Variants in KHDRBS2 observed in about 807,000 individuals in gnomAD.
KHDRBS2 encodes the protein KH RNA binding domain containing, signal transduction associated 2.
KHDRBS2 carries 26 observed loss-of-function variants against 44.3 expected under a neutral mutation model. The observed-to-expected ratio is 0.59, with a 90% CI of 0.43 to 0.81. The LOEUF is 0.81. Among genes scored for constraint, KHDRBS2 ranks in the 40% least tolerant of loss-of-function variants. KHDRBS2 has a pLI of 0.00. For missense variants in KHDRBS2, 476 were observed against 433.1 expected, an observed-to-expected ratio of 1.10 and a Z score of -0.88; for synonymous variants, 194 against 151.1, an observed-to-expected ratio of 1.28 and a Z score of -2.08.
intron 2 of KHDRBS2, among the ~76,000 whole-genome samples, chr6:62,099,302 C>CTAAT (rs1008114525): frequency 1.4e-3 from 206 of 152,270 alleles, no homozygotes; most frequent in African/African-American, 4.8e-3. Context: ...TCTAAACAGG[C>CTAAT]TAATTACTAT....
intron 2 of KHDRBS2, among the ~76,000 whole-genome samples, chr6:62,096,043 C>A (rs944565018): frequency 6.6e-6 from 1 of 151,864 alleles, no homozygotes; most frequent in Non-Finnish European, 1.5e-5. Context: ...GTATATTGAA[C>A]CATACGTATC....
chr6:61,826,323 C>G (rs73476668), intron 6 of KHDRBS2, among the ~76,000 whole-genome samples: 24,219 of 151,960 alleles, frequency 0.16, 2,476 homozygotes, highest in East Asian at 0.29. Flanking sequence ...CAGGCACTGG[C>G]AAGAAATCAG....
At chr6:61,604,395 A>T in the KHDRBS2 span, among the ~76,000 whole-genome samples, 4 of 152,174 alleles carry the variant, frequency 2.6e-5, no homozygotes, top group East Asian at 7.7e-4. Context: ...TCTCCTTCTC[A>T]TCTGGTCACT....
At chr6:61,576,854 T>G in the KHDRBS2 span, among the ~76,000 whole-genome samples, 9 of 152,186 alleles carry the variant, frequency 5.9e-5, no homozygotes, top group Non-Finnish European at 8.8e-5. Flanking sequence ...TATTTTTATT[T>G]TCATGCAGTT....
chr6:62,285,554 G>A (rs1306285720), intron 1 of KHDRBS2, among the ~76,000 whole-genome samples: 3 of 152,164 alleles, frequency 2.0e-5, no homozygotes, highest in Non-Finnish European at 4.4e-5. Context: ...AAGTGAAAAT[G>A]TCCCTGTAGA....
At chr6:61,778,003 C>T (rs567154288) in intron 6 of KHDRBS2, among the ~76,000 whole-genome samples, 1 of 152,198 alleles carries the variant, frequency 6.6e-6, no homozygotes, top group South Asian at 2.1e-4. Context: ...TCCCTCCTCC[C>T]ACCCTCTACC....
At chr6:62,133,665 G>A (rs1810855727) in intron 2 of KHDRBS2, among the ~76,000 whole-genome samples, 1 of 152,174 alleles carries the variant, frequency 6.6e-6, no homozygotes, top group South Asian at 2.1e-4. Flanking sequence ...GGACAATGTG[G>A]GAAAGTTTGG....
In KHDRBS2 at chr6:61,957,994, C is replaced by G. The variant is rs7742024; in HGVS notation, c.483+20072G>C. On this transcript the variant is annotated intron_variant, in intron 4 of 8. Coordinates refer to ENST00000281156, the MANE Select transcript of KHDRBS2 (RefSeq NM_152688.4). ...ACACTTAGGGAAAATAGAAAAGAAC[C>G]TACATGAAATATCAGGGGTGAATTT... 1.8e-3 allele frequency among the ~76,000 whole-genome samples: 269 copies of G among 152,156 alleles called. 2 individuals carry two copies. The highest frequency in any genetic ancestry group is 6.1e-3 in the African/African-American group (255 of 41,534).
intron 2 of KHDRBS2, among the ~76,000 whole-genome samples, chr6:62,059,199 T>C (rs1412542888): frequency 2.5e-5 from 1 of 39,436 alleles, no homozygotes; most frequent in African/African-American, 1.3e-4. Flanking sequence ...AGTTAGGAAG[T>C]TTTTTTTTTT....
intron 6 of KHDRBS2, among the ~76,000 whole-genome samples, chr6:61,753,133 C>T (rs1041551585): frequency 6.6e-6 from 1 of 152,098 alleles, no homozygotes; most frequent in Admixed American, 6.6e-5. Context: ...ACAATAAACT[C>T]ATCATTCGTG....
intron 6 of KHDRBS2, among the ~76,000 whole-genome samples, chr6:61,743,455 C>A (rs964317008): frequency 6.6e-6 from 1 of 151,918 alleles, no homozygotes; most frequent in Non-Finnish European, 1.5e-5. Flanking sequence ...TCATTAATGG[C>A]AAAATACAAT....
chr6:61,586,871 T>G, the KHDRBS2 span, among the ~76,000 whole-genome samples: 4 of 152,194 alleles, frequency 2.6e-5, no homozygotes, highest in Non-Finnish European at 2.9e-5. Context: ...GTTCTTCAGT[T>G]TGTTACATTC....
At chr6:61,872,587 T>A (rs1487104830) in intron 6 of KHDRBS2, among the ~76,000 whole-genome samples, 1 of 152,098 alleles carries the variant, frequency 6.6e-6, no homozygotes, top group Non-Finnish European at 1.5e-5. Flanking sequence ...TATATTAAAC[T>A]TTATTGACAG....
At chr6:61,585,404 A>G in the KHDRBS2 span, among the ~76,000 whole-genome samples, 5 of 152,076 alleles carry the variant, frequency 3.3e-5, no homozygotes, top group African/African-American at 9.7e-5. Context: ...TACTGTCTCA[A>G]TCATGACAAG....
intron 7 of KHDRBS2, among the ~76,000 whole-genome samples, chr6:61,718,208 T>C (rs1424188358): frequency 6.6e-6 from 1 of 152,016 alleles, no homozygotes; most frequent in African/African-American, 2.4e-5. Flanking sequence ...AAGCAGTGGC[T>C]CCCATCCTAT....
intron 4 of KHDRBS2, among the ~76,000 whole-genome samples, chr6:61,907,436 T>C (rs544063082): frequency 2.0e-5 from 3 of 152,336 alleles, no homozygotes; most frequent in African/African-American, 7.2e-5. Context: ...CATTTTTGTT[T>C]TAGTTGCCTG....
intron 7 of KHDRBS2, among the ~76,000 whole-genome samples, chr6:61,717,144 G>A (rs1771572547): frequency 6.6e-6 from 1 of 151,828 alleles, no homozygotes; most frequent in African/African-American, 2.4e-5. Flanking sequence ...CTATTTTAAT[G>A]GTATATTTTT....
intron 4 of KHDRBS2, among the ~76,000 whole-genome samples, chr6:61,907,294 T>A (rs112527705): frequency 0.01 from 1,570 of 152,312 alleles, 27 homozygotes; most frequent in African/African-American, 0.036. Flanking sequence ...CCTTATATAT[T>A]CTGGTTATTA....
intron 4 of KHDRBS2, among the ~76,000 whole-genome samples, chr6:61,969,757 A>G (rs1329494787): frequency 6.6e-6 from 1 of 152,024 alleles, no homozygotes; most frequent in Non-Finnish European, 1.5e-5. Context: ...TGCTATGGAT[A>G]ACAGACAAGA....
Sources: allele counts gnomAD v4.1 joint callset (sites outside exome capture counted in the v4.1 genomes callset), GRCh38; gene constraint gnomAD v4.1.1; transcripts MANE v1.5; gene names NCBI Gene and HGNC (gene_info 2026-07-23, HGNC 2026-07-21).